AP2B1: variants seen among roughly 807,000 people sequenced by gnomAD.
The protein encoded by AP2B1 is AP-2 complex subunit beta.
Under a neutral mutation model 102.0 loss-of-function variants are expected in AP2B1, and 23 were observed. The observed-to-expected ratio is 0.23, with a 90% CI of 0.16 to 0.32. The LOEUF (loss-of-function observed/expected upper bound fraction) is 0.32. Among genes scored for constraint, AP2B1 ranks in the 10% least tolerant of loss-of-function variants. The pLI is 1.00. For synonymous variants in AP2B1, 381 were observed against 421.2 expected, an observed-to-expected ratio of 0.90 and a Z score of 1.17; for missense variants, 541 against 1,157.4, an observed-to-expected ratio of 0.47 and a Z score of 7.73.
intron 14 of AP2B1, among the ~76,000 whole-genome samples, chr17:35,660,286 A>C (rs1029034958): frequency 6.6e-6 from 1 of 151,956 alleles, no homozygotes; most frequent in Admixed American, 6.6e-5. Context: ...CTGAGCCTGC[A>C]AGAGATGATT....
At chr17:35,656,882 C>T (rs1318496244) in intron 13 of AP2B1, among the ~76,000 whole-genome samples, 1 of 44,762 alleles carries the variant, frequency 2.2e-5, no homozygotes, top group East Asian at 1.1e-3. Context: ...GAGACTCCGT[C>T]TCAAAAAAAA....
At chr17:35,700,383 C>G (rs1007839904) in intron 18 of AP2B1, among the ~76,000 whole-genome samples, 4 of 151,892 alleles carry the variant, frequency 2.6e-5, no homozygotes, top group Non-Finnish European at 5.9e-5. Flanking sequence ...CTGCCTGGTC[C>G]TAGCTTGGAC....
chr17:35,648,675 G>A (rs927699335), intron 12 of AP2B1, among the ~76,000 whole-genome samples: 5 of 151,756 alleles, frequency 3.3e-5, no homozygotes, highest in South Asian at 2.1e-4. Context: ...AAGTGCAGTC[G>A]TATATATCAA....
chr17:35,721,175 G>C (rs78525395), intron 21 of AP2B1, among the ~76,000 whole-genome samples: 1,528 of 152,228 alleles, frequency 0.01, 20 homozygotes, highest in African/African-American at 0.035. Flanking sequence ...TAAGAAGATA[G>C]GTTTATCCTA....
chr17:35,588,110 G>A (rs2072960498), intron 1 of AP2B1, among the ~76,000 whole-genome samples: 1 of 150,612 alleles, frequency 6.6e-6, no homozygotes, highest in South Asian at 2.1e-4. Flanking sequence ...TAATGGTCTG[G>A]TTTGGGAAAG....
intron 3 of AP2B1, among the ~76,000 whole-genome samples, chr17:35,601,614 T>C (rs1048300655): frequency 6.6e-6 from 1 of 151,828 alleles, no homozygotes; most frequent in Non-Finnish European, 1.5e-5. Context: ...AAAACCACTT[T>C]TAGCTCATGG....
intron 21 of AP2B1, among the ~76,000 whole-genome samples, chr17:35,722,209 A>T (rs2085417712): frequency 2.0e-5 from 3 of 152,160 alleles, no homozygotes; most frequent in Admixed American, 2.0e-4. Flanking sequence ...ACGCCACTGC[A>T]CTCCAGCCTG....
At chr17:35,620,135 G>A (rs1487396851) in intron 5 of AP2B1, among the ~76,000 whole-genome samples, 3 of 152,030 alleles carry the variant, frequency 2.0e-5, no homozygotes, top group Non-Finnish European at 4.4e-5. Flanking sequence ...TCACCTGGAT[G>A]CCAACTTTTT....
At position 35,724,793 on chromosome 17, in the gene AP2B1, T is replaced by G. The variant is rs1211798153; in HGVS notation, c.*1094T>G. 1 of 152,256 alleles carries G rather than the reference T, an allele frequency of 6.6e-6. No individual in the cohort carries two copies. Among genetic ancestry groups the G allele is most frequent in the Non-Finnish European group, 1.5e-5 (1 of 68,058 alleles). The allele number at this position is 152,256 out of a possible 1,614,324, so 9.4% of individuals were successfully genotyped here. A position where few individuals can be genotyped will look rare whatever the true frequency, so the allele number is the denominator to read the frequency against. ...TCTCTTGTCGTTTTCCCCTAATGCC[T>G]TCTCCTGCCTTTTCTGTGCCTAGTT... is the stretch of plus-strand genomic sequence containing the variant. On this transcript the variant is annotated 3_prime_UTR_variant, in exon 22 of 22. Coordinates refer to ENST00000610402, the MANE Select transcript of AP2B1 (RefSeq NM_001030006.2).
At chr17:35,714,643 G>A (rs1273882554) in intron 20 of AP2B1, among the ~76,000 whole-genome samples, 5 of 152,136 alleles carry the variant, frequency 3.3e-5, no homozygotes, top group Admixed American at 3.3e-4. Context: ...CTGGGAGGTC[G>A]AGACTGCAGT....
intron 10 of AP2B1, 85 bp downstream of exon 10, chr17:35,636,541 T>C: frequency 1.0e-6 from 1 of 972,766 alleles, no homozygotes; most frequent in Non-Finnish European, 1.6e-6. Context: ...TAAGAATTAC[T>C]CTTTTGAATG....
intron 14 of AP2B1, among the ~76,000 whole-genome samples, chr17:35,666,804 A>G (rs1365343063): frequency 1.3e-5 from 2 of 152,292 alleles, no homozygotes; most frequent in East Asian, 3.9e-4. Context: ...CCTGATAAGT[A>G]TGGGCTTAGA....
intron 1 of AP2B1, among the ~76,000 whole-genome samples, chr17:35,590,301 G>A (rs1049787183): frequency 6.6e-6 from 1 of 152,040 alleles, no homozygotes; most frequent in Non-Finnish European, 1.5e-5. Context: ...GTGATTAAGT[G>A]TATCTCTCAT....
At chr17:35,590,727 A>G (rs1383801870) in intron 1 of AP2B1, among the ~76,000 whole-genome samples, 2 of 152,106 alleles carry the variant, frequency 1.3e-5, no homozygotes, top group Non-Finnish European at 2.9e-5. Context: ...TGGGTGCATT[A>G]TTTTCTAGTT....
chr17:35,717,445 G>A, intron 21 of AP2B1, 96 bp downstream of exon 21: 1 of 1,378,928 alleles, frequency 7.3e-7, no homozygotes, highest in Non-Finnish European at 1.0e-6. Flanking sequence ...TGGAGGAGGT[G>A]CTTTAAACCT....
At chr17:35,630,582 C>G (rs2074435025) in intron 9 of AP2B1, among the ~76,000 whole-genome samples, 2 of 152,116 alleles carry the variant, frequency 1.3e-5, no homozygotes, top group South Asian at 2.1e-4. Flanking sequence ...AACAGTAATA[C>G]AAAAATTATA....
At chr17:35,596,912 A>G in intron 2 of AP2B1, 2 of 707,716 alleles carry the variant, frequency 2.8e-6, no homozygotes, top group South Asian at 2.7e-5. Flanking sequence ...CATGAAGGAG[A>G]TAACCCCGAT....
chr17:35,619,465 A>G (rs1232257264), intron 5 of AP2B1, among the ~76,000 whole-genome samples: 1 of 145,140 alleles, frequency 6.9e-6, no homozygotes, highest in East Asian at 2.0e-4. Flanking sequence ...CAACATAGTG[A>G]GACCCTGTTT....
At chr17:35,626,222 C>T (rs2074311655) in intron 6 of AP2B1, among the ~76,000 whole-genome samples, 1 of 152,138 alleles carries the variant, frequency 6.6e-6, no homozygotes, top group Admixed American at 6.5e-5. Flanking sequence ...TGAAATAACT[C>T]TCAGAATGCT....
Sources: allele counts gnomAD v4.1 joint callset (sites outside exome capture counted in the v4.1 genomes callset), GRCh38; gene constraint gnomAD v4.1.1; transcripts MANE v1.5; gene names NCBI Gene and HGNC (gene_info 2026-07-23, HGNC 2026-07-21).